Variants in TMEM117 observed in about 807,000 individuals in gnomAD.
The protein encoded by TMEM117 is transmembrane protein 117.
A neutral mutation model predicts 52.4 loss-of-function variants in TMEM117; 27 were observed. The observed-to-expected ratio is 0.51, with a 90% CI of 0.38 to 0.71. The LOEUF is 0.71. Ranked by LOEUF, TMEM117 falls within the 30% of genes least tolerant of loss-of-function variation. The probability of loss-of-function intolerance (pLI) is 0.00; values close to 1 mark genes in which losing one functional copy is unlikely to be tolerated. For missense variants in TMEM117, 556 were observed against 630.5 expected, an observed-to-expected ratio of 0.88 and a Z score of 1.26; for synonymous variants, 215 against 206.3, an observed-to-expected ratio of 1.04 and a Z score of -0.36.
chr12:44,338,419 A>G (rs75674026), intron 6 of TMEM117, among the ~76,000 whole-genome samples: 98 of 152,224 alleles, frequency 6.4e-4, no homozygotes, highest in African/African-American at 1.0e-3. Context: ...GCTGGAAGGT[A>G]TAGGTAATAC....
intron 2 of TMEM117, among the ~76,000 whole-genome samples, chr12:43,856,062 G>A (rs1257785644): frequency 6.6e-6 from 1 of 152,162 alleles, no homozygotes; most frequent in Non-Finnish European, 1.5e-5. Flanking sequence ...TATCATGGTC[G>A]TTGAGAGTAT....
downstream of TMEM117, among the ~76,000 whole-genome samples, chr12:44,392,015 C>G (rs1952164017): frequency 2.0e-5 from 3 of 152,174 alleles, no homozygotes; most frequent in Admixed American, 2.0e-4. Context: ...AGCAGATAAA[C>G]TGGCACTTTC....
At chr12:44,392,558 A>G (rs959471010), downstream of TMEM117, among the ~76,000 whole-genome samples, 3 of 151,978 alleles carry the variant, frequency 2.0e-5, no homozygotes, top group South Asian at 2.1e-4. Flanking sequence ...GTTTTAGGGT[A>G]CATGTGCACA....
At position 44,376,568 on chromosome 12, in the gene TMEM117, A is replaced by G. The variant is rs1565773602; in HGVS notation, c.769-27A>G. 9 of 1,583,770 alleles carry G rather than the reference A, an allele frequency of 5.7e-6. No homozygotes were observed. The South Asian group carries it at 9.4e-5, about 16-fold the overall frequency. Reference sequence around the variant, plus strand: ...TGCTTAGGAATGAAACGAATCACAAATGTTTTTATTTGATTTTCTCTGACA... The same window carrying G: ...TGCTTAGGAATGAAACGAATCACAAGTGTTTTTATTTGATTTTCTCTGACA... On this transcript the variant is annotated intron_variant, in intron 6 of 7. Transcript: ENST00000266534.
At chr12:43,885,479 A>G (rs913162774) in intron 2 of TMEM117, among the ~76,000 whole-genome samples, 1 of 151,236 alleles carries the variant, frequency 6.6e-6, no homozygotes, top group African/African-American at 2.4e-5. Flanking sequence ...TTTTTAAAAA[A>G]ACAAATGTGA....
intron 7 of TMEM117, among the ~76,000 whole-genome samples, chr12:44,386,312 T>A (rs1166391037): frequency 2.0e-5 from 3 of 152,136 alleles, no homozygotes; most frequent in Non-Finnish European, 4.4e-5. Flanking sequence ...GTTTTGAAGA[T>A]CTCATGAGTG....
At chr12:44,066,252 G>A (rs1393080041) in intron 3 of TMEM117, among the ~76,000 whole-genome samples, 1 of 152,156 alleles carries the variant, frequency 6.6e-6, no homozygotes, top group Admixed American at 6.5e-5. Flanking sequence ...GGCAACTTTA[G>A]GCCAAACTTA....
At chr12:43,935,482 A>G (rs926376208) in intron 2 of TMEM117, among the ~76,000 whole-genome samples, 3 of 152,324 alleles carry the variant, frequency 2.0e-5, no homozygotes, top group East Asian at 1.9e-4. Context: ...CCTTTAAAGA[A>G]TGTTATCAGT....
chr12:44,338,644 A>G (rs184574563), intron 6 of TMEM117, among the ~76,000 whole-genome samples: 242 of 152,250 alleles, frequency 1.6e-3, no homozygotes, highest in Non-Finnish European at 2.9e-3. Flanking sequence ...CCATGAGTGT[A>G]AAGGAAATTA....
rs556990428 is a variant in TMEM117 at position 43,870,806 on chromosome 12, C to T, written c.277+25878C>T. Among the ~76,000 whole-genome samples, 8 of 152,096 alleles carry T rather than the reference C, an allele frequency of 5.3e-5. No homozygotes were observed. The East Asian group carries it at 5.8e-4, about 11-fold the overall frequency. On this transcript the variant is annotated intron_variant, in intron 2 of 7. Coordinates refer to ENST00000266534, the MANE Select transcript of TMEM117 (RefSeq NM_032256.3). The stretch of plus-strand genomic sequence containing the variant: ...GTTTGCTTTTGTTTTCTTTTTGAGA[C>T]GGAGTATCGCTGTTGTTGCCAGGGC...
the TMEM117 span, among the ~76,000 whole-genome samples, chr12:43,796,743 TAAATCTTATTTAAAGTTA>T: frequency 6.6e-6 from 1 of 152,098 alleles, no homozygotes; most frequent in Admixed American, 6.5e-5. Context: ...AACAGAACTT[TAAATCTTATTTAAAGTTA>T]AATAGCCACA....
At chr12:43,993,500 C>G (rs995969793) in intron 3 of TMEM117, among the ~76,000 whole-genome samples, 1 of 152,014 alleles carries the variant, frequency 6.6e-6, no homozygotes, top group Non-Finnish European at 1.5e-5. Context: ...ACATATATCC[C>G]TGGTGCACTA....
At chr12:44,290,026 A>G (rs903893717) in intron 5 of TMEM117, among the ~76,000 whole-genome samples, 13 of 152,146 alleles carry the variant, frequency 8.5e-5, no homozygotes, top group African/African-American at 2.9e-4. Flanking sequence ...ATGTTTATTC[A>G]CACCCCTTGC....
intron 5 of TMEM117, among the ~76,000 whole-genome samples, chr12:44,232,174 T>G (rs1259873014): frequency 6.6e-6 from 1 of 151,620 alleles, no homozygotes; most frequent in Non-Finnish European, 1.5e-5. Context: ...TTTTTAAACT[T>G]TAGTAACTTT....
At chr12:44,005,472 AG>A (rs1276655667) in intron 3 of TMEM117, among the ~76,000 whole-genome samples, 4 of 152,234 alleles carry the variant, frequency 2.6e-5, no homozygotes, top group Non-Finnish European at 4.4e-5. Flanking sequence ...CAATAACATC[AG>A]AAAACAATTC....
chr12:44,101,079 A>G (rs554450964), intron 3 of TMEM117, among the ~76,000 whole-genome samples: 1 of 152,040 alleles, frequency 6.6e-6, no homozygotes, highest in South Asian at 2.1e-4. Context: ...GTAAAAGGAA[A>G]AGGCAGCTCT....
intron 3 of TMEM117, among the ~76,000 whole-genome samples, chr12:43,963,678 A>G (rs1945440445): frequency 6.6e-6 from 1 of 152,206 alleles, no homozygotes; most frequent in Non-Finnish European, 1.5e-5. Context: ...TTACAAAGGC[A>G]AGGTAAGAAT....
intron 4 of TMEM117, among the ~76,000 whole-genome samples, chr12:44,146,436 C>G (rs12809251): frequency 0.045 from 6,799 of 152,264 alleles, 206 homozygotes; most frequent in Non-Finnish European, 0.073. Flanking sequence ...ACCTAACCCC[C>G]TGGGGCCTTT....
chr12:44,367,461 G>C (rs1463081566), intron 6 of TMEM117, among the ~76,000 whole-genome samples: 1 of 151,986 alleles, frequency 6.6e-6, no homozygotes, highest in South Asian at 2.1e-4. Flanking sequence ...ACTTTCTCTT[G>C]TTCTTCTTCT....
Sources: gnomAD v4.1 joint callset for allele counts (sites outside exome capture counted in the v4.1 genomes callset) on GRCh38, gnomAD v4.1.1 for gene constraint, MANE v1.5 for transcripts, NCBI Gene and HGNC (gene_info 2026-07-23, HGNC 2026-07-21) for gene names.